Variants in NSD3 observed in about 807,000 individuals in gnomAD.
The protein encoded by NSD3 is nuclear receptor binding SET domain protein 3.
A neutral mutation model predicts 160.8 loss-of-function variants in NSD3; 24 were observed. That is an observed-to-expected ratio of 0.15 (90% CI 0.11 to 0.21). NSD3 has a LOEUF of 0.21. Ranked by LOEUF, NSD3 falls within the 10% of genes least tolerant of loss-of-function variation. The probability of loss-of-function intolerance (pLI) is 1.00; values close to 1 mark genes in which losing one functional copy is unlikely to be tolerated. For synonymous variants in NSD3, 520 were observed against 600.0 expected, an observed-to-expected ratio of 0.87 and a Z score of 1.95; for missense variants, 1,157 against 1,735.9, an observed-to-expected ratio of 0.67 and a Z score of 5.93.
In NSD3 at chr8:38,310,046, A is replaced by AT. The variant is rs556500627; in HGVS notation, c.2242+4600_2242+4601insA. Among the ~76,000 whole-genome samples the AT allele has an allele frequency of 5.9e-5, 9 of 152,296 alleles. No individual in the cohort carries two copies. In the South Asian group the frequency reaches 1.7e-3, roughly 28 times the overall value. ...TTAATTTTTTTAATAATTGTGGTAA[A>AT]ATATATATAACATAAAATTTAACAC... On this transcript the variant is annotated intron_variant, in intron 12 of 23. Transcript: ENST00000317025.
chr8:38,352,891 G>T (rs1174143961), intron 1 of NSD3, among the ~76,000 whole-genome samples: 3 of 152,132 alleles, frequency 2.0e-5, no homozygotes, highest in African/African-American at 7.2e-5. Context: ...TCAGTTCTGG[G>T]AAAAGAATTC....
At chr8:38,371,682 T>C (rs1811246207) in intron 1 of NSD3, among the ~76,000 whole-genome samples, 1 of 152,218 alleles carries the variant, frequency 6.6e-6, no homozygotes. Flanking sequence ...TGAAATACTA[T>C]ATTCTGATGC....
intron 1 of NSD3, among the ~76,000 whole-genome samples, chr8:38,373,262 G>A (rs890072521): frequency 1.3e-5 from 2 of 150,896 alleles, no homozygotes; most frequent in Admixed American, 6.6e-5. Flanking sequence ...TTGCTTTGTC[G>A]CTCAGGCTGG....
At position 38,374,183 on chromosome 8, in the gene NSD3, TAGG is replaced by T. The variant is rs1167338670; in HGVS notation, c.-45+7613_-45+7615del. Among the ~76,000 whole-genome samples the T allele has an allele frequency of 2.0e-5, 3 of 151,166 alleles. No individual in the cohort carries two copies. In the East Asian group the frequency reaches 5.8e-4, roughly 29 times the overall value. ...TCATAGCTACTCCAGAGGATGAGGC[TAGG>T]AGAACTGCTTGATCCAAGGAGTTCA... is the stretch of plus-strand genomic sequence containing the variant. On this transcript the variant is annotated intron_variant, in intron 1 of 23. Coordinates refer to ENST00000317025, the MANE Select transcript of NSD3 (RefSeq NM_023034.2).
At chr8:38,277,871 C>T (rs1337327526) in intron 22 of NSD3, among the ~76,000 whole-genome samples, 1 of 151,986 alleles carries the variant, frequency 6.6e-6, no homozygotes, top group Non-Finnish European at 1.5e-5. Context: ...GCTGATGACC[C>T]ACAAACTAAT....
chr8:38,379,704 A>C (rs982349468), intron 1 of NSD3, among the ~76,000 whole-genome samples: 1 of 152,254 alleles, frequency 6.6e-6, no homozygotes, highest in African/African-American at 2.4e-5. Context: ...CCATTTAGGT[A>C]GGTTAAATGT....
chr8:38,311,930 C>T (rs1809543800), intron 12 of NSD3, among the ~76,000 whole-genome samples: 1 of 152,138 alleles, frequency 6.6e-6, no homozygotes, highest in African/African-American at 2.4e-5. Flanking sequence ...TTAGCTCTTA[C>T]ATCTTTGTCT....
rs562296892 is a variant in NSD3, at chr8:38,313,193, A to G, written c.2242+1454T>C. Among the ~76,000 whole-genome samples, 8 of 151,980 alleles carry G rather than the reference A, an allele frequency of 5.3e-5. No individual in the cohort carries two copies. The South Asian group carries it at 1.7e-3, about 33-fold the overall frequency. On this transcript the variant is annotated intron_variant, in intron 12 of 23. Coordinates refer to ENST00000317025, the MANE Select transcript of NSD3 (RefSeq NM_023034.2). Reference sequence around the variant, plus strand: ...AGCTTCCATAGCTTAGTTTATGTACATGTGTGTGTGTATTTGTGTGTGTGT... The same window carrying G: ...AGCTTCCATAGCTTAGTTTATGTACGTGTGTGTGTGTATTTGTGTGTGTGT...
intron 3 of NSD3, 33 bp from the exon 4 acceptor site, chr8:38,337,500 A>T: frequency 6.6e-7 from 1 of 1,515,356 alleles, no homozygotes; most frequent in Non-Finnish European, 8.8e-7. Flanking sequence ...TTCATCAGAA[A>T]TTCAAAAAAA....
At chr8:38,357,518 CT>C (rs966611796) in intron 1 of NSD3, among the ~76,000 whole-genome samples, 1 of 152,046 alleles carries the variant, frequency 6.6e-6, no homozygotes, top group African/African-American at 2.4e-5. Context: ...TACCCTTTTC[CT>C]TTTTTATTTT....
At chr8:38,293,135 CAA>C (rs1005050554) in intron 16 of NSD3, among the ~76,000 whole-genome samples, 15 of 68,438 alleles carry the variant, frequency 2.2e-4, no homozygotes, top group Admixed American at 3.1e-4. Flanking sequence ...GACTTTGTCT[CAA>C]AAAAAAAAAA....
At chr8:38,309,866 T>G (rs1809492946) in intron 12 of NSD3, among the ~76,000 whole-genome samples, 2 of 152,196 alleles carry the variant, frequency 1.3e-5, no homozygotes, top group South Asian at 4.1e-4. Context: ...CCTGCAATAC[T>G]TCTTACATGT....
intron 7 of NSD3, among the ~76,000 whole-genome samples, chr8:38,326,331 A>G (rs1038986620): frequency 2.6e-5 from 4 of 152,200 alleles, no homozygotes; most frequent in African/African-American, 9.7e-5. Context: ...ACTAGGAATA[A>G]TGACAAGAGC....
chr8:38,307,632 G>T (rs1485993664), intron 12 of NSD3, among the ~76,000 whole-genome samples: 1 of 152,132 alleles, frequency 6.6e-6, no homozygotes, highest in Non-Finnish European at 1.5e-5. Flanking sequence ...TAAATAGAAT[G>T]CATCTGTATT....
chr8:38,325,865 A>G (rs1809898095), intron 7 of NSD3, among the ~76,000 whole-genome samples: 1 of 149,242 alleles, frequency 6.7e-6, no homozygotes. Flanking sequence ...TCAAAAAAAA[A>G]AAGGCCAGAC....
At chr8:38,307,282 T>G (rs1454869278) in intron 12 of NSD3, among the ~76,000 whole-genome samples, 1 of 152,012 alleles carries the variant, frequency 6.6e-6, no homozygotes, top group Non-Finnish European at 1.5e-5. Flanking sequence ...CCTCCTAAGT[T>G]CAAGTGATTC....
chr8:38,313,649 G>A (rs921662047), intron 12 of NSD3, among the ~76,000 whole-genome samples: 13 of 151,964 alleles, frequency 8.6e-5, no homozygotes, highest in African/African-American at 2.2e-4. Context: ...TTAGCCAGGC[G>A]TGGTGGCAGG....
chr8:38,326,901 C>T (rs780258408), intron 6 of NSD3, 45 bp from the exon 7 acceptor site: 22 of 1,607,004 alleles, frequency 1.4e-5, no homozygotes, highest in Non-Finnish European at 1.9e-5. Context: ...AGGTGATTAC[C>T]AGGCAAGTGG....
chr8:38,281,629 T>C, intron 19 of NSD3, 46 bp from the exon 20 acceptor site: 1 of 1,336,612 alleles, frequency 7.5e-7, no homozygotes, highest in African/African-American at 1.5e-5. Flanking sequence ...GTGTATTATA[T>C]AAAGCATTGC....
Sources: gnomAD v4.1 joint callset for allele counts (sites outside exome capture counted in the v4.1 genomes callset) on GRCh38, gnomAD v4.1.1 for gene constraint, MANE v1.5 for transcripts, NCBI Gene and HGNC (gene_info 2026-07-23, HGNC 2026-07-21) for gene names.